The following CNTNAP2 variants were observed in gnomAD, a reference collection of about 807,000 sequenced individuals.
CNTNAP2 encodes the protein contactin-associated protein-like 2.
CNTNAP2 carries 98 observed loss-of-function variants against 155.2 expected under a neutral mutation model. The observed-to-expected ratio is 0.63, with a 90% CI of 0.54 to 0.75. The LOEUF (loss-of-function observed/expected upper bound fraction) is 0.75, where lower values mean the gene tolerates loss of function less well. CNTNAP2 is among the 30% of genes least tolerant of loss of function. The probability of loss-of-function intolerance (pLI) is 0.00; values close to 1 mark genes in which losing one functional copy is unlikely to be tolerated. For synonymous variants in CNTNAP2, 651 were observed against 631.2 expected, an observed-to-expected ratio of 1.03 and a Z score of -0.47; for missense variants, 1,727 against 1,688.1, an observed-to-expected ratio of 1.02 and a Z score of -0.40.
At chr7:146,569,887 G>C (rs1798415313) in intron 1 of CNTNAP2, among the ~76,000 whole-genome samples, 1 of 152,154 alleles carries the variant, frequency 6.6e-6, no homozygotes, top group African/African-American at 2.4e-5. Context: ...GGCCTCACAA[G>C]TGTATATTTA....
chr7:146,182,422 G>A (rs927051568), intron 1 of CNTNAP2, among the ~76,000 whole-genome samples: 13 of 152,086 alleles, frequency 8.5e-5, no homozygotes, highest in African/African-American at 1.7e-4. Flanking sequence ...TAGGAAAATA[G>A]CAAGTCTACA....
intron 8 of CNTNAP2, among the ~76,000 whole-genome samples, chr7:147,263,313 A>C (rs1804534431): frequency 6.6e-6 from 1 of 151,988 alleles, no homozygotes; most frequent in Non-Finnish European, 1.5e-5. Context: ...GTGAGCTGTG[A>C]TCATGCCGCT....
intron 15 of CNTNAP2, among the ~76,000 whole-genome samples, chr7:148,007,872 C>T (rs1411295983): frequency 6.6e-6 from 1 of 152,054 alleles, no homozygotes; most frequent in African/African-American, 2.4e-5. Context: ...TGGCTCCTGG[C>T]CTAAAAAGGT....
At chr7:148,315,189 A>T (rs1245692534) in intron 21 of CNTNAP2, among the ~76,000 whole-genome samples, 1 of 152,210 alleles carries the variant, frequency 6.6e-6, no homozygotes, top group Non-Finnish European at 1.5e-5. Context: ...CCCTGATTCG[A>T]GTCACAGCAC....
chr7:147,505,263 A>G (rs1465681082), intron 11 of CNTNAP2, among the ~76,000 whole-genome samples: 3 of 152,144 alleles, frequency 2.0e-5, no homozygotes, highest in African/African-American at 7.2e-5. Context: ...TGGGAAAGAA[A>G]TCAATATTTG....
chr7:148,110,451 C>T (rs1199183280), intron 15 of CNTNAP2, among the ~76,000 whole-genome samples: 2 of 151,950 alleles, frequency 1.3e-5, no homozygotes, highest in Non-Finnish European at 2.9e-5. Context: ...ACCACCTCAT[C>T]CTGGTAGTAC....
intron 3 of CNTNAP2, among the ~76,000 whole-genome samples, chr7:146,981,228 T>G (rs1798011015): frequency 6.6e-6 from 1 of 152,208 alleles, no homozygotes; most frequent in Non-Finnish European, 1.5e-5. Context: ...AATTTGTGTC[T>G]GCTCCCAAAG....
chr7:147,618,617 A>C (rs1433868851), intron 12 of CNTNAP2, among the ~76,000 whole-genome samples: 2 of 147,408 alleles, frequency 1.4e-5, no homozygotes, highest in East Asian at 3.9e-4. Context: ...ATAGAAAAGA[A>C]TCAGGAAACA....
At chr7:148,173,194 C>T (rs1794859881) in intron 18 of CNTNAP2, among the ~76,000 whole-genome samples, 1 of 152,190 alleles carries the variant, frequency 6.6e-6, no homozygotes, top group African/African-American at 2.4e-5. Flanking sequence ...GAACTATACC[C>T]TGTGATCCTG....
chr7:148,415,651 G>T lies in CNTNAP2; in HGVS notation c.*35G>T, dbSNP rs765172392. On this transcript the variant is annotated 3_prime_UTR_variant, in exon 24 of 24. Coordinates refer to ENST00000361727, the MANE Select transcript of CNTNAP2 (RefSeq NM_014141.6). ...ACTTGGCTATGGGATAGGGAGGAGGGAATTACTAGGGAGGAGAGAAAGGGA... is the reference window on the plus strand; with the variant it reads ...ACTTGGCTATGGGATAGGGAGGAGGTAATTACTAGGGAGGAGAGAAAGGGA... 6.2e-7 allele frequency: 1 copy of T among 1,611,356 alleles called. No individual in the cohort carries two copies. The highest frequency in any genetic ancestry group is 1.1e-5 in the South Asian group (1 of 90,890).
intron 15 of CNTNAP2, among the ~76,000 whole-genome samples, chr7:148,035,022 C>A (rs562841651): frequency 6.6e-6 from 1 of 152,060 alleles, no homozygotes; most frequent in African/African-American, 2.4e-5. Flanking sequence ...GTAATGGACT[C>A]GGATATCTGG....
chr7:147,746,711 A>G (rs1393600901), intron 13 of CNTNAP2, among the ~76,000 whole-genome samples: 1 of 152,032 alleles, frequency 6.6e-6, no homozygotes, highest in East Asian at 1.9e-4. Context: ...TGTGGTTACC[A>G]CCCCAACCCT....
At chr7:147,911,805 A>G (rs1476493068) in intron 14 of CNTNAP2, among the ~76,000 whole-genome samples, 1 of 152,216 alleles carries the variant, frequency 6.6e-6, no homozygotes, top group Non-Finnish European at 1.5e-5. Context: ...TTAAGATGGA[A>G]TAATATTCCA....
Position 147,607,425 on chromosome 7 carries a change from TCTC to T in CNTNAP2, c.1898-31680_1898-31678del, listed in dbSNP as rs767285191. Among the ~76,000 whole-genome samples, 814 of 152,072 alleles carry T rather than the reference TCTC, an allele frequency of 5.4e-3. 6 individuals are homozygous for T. Among genetic ancestry groups the T allele is most frequent in the South Asian group, 0.022 (106 of 4,824 alleles). On this transcript the variant is annotated intron_variant, in intron 12 of 23. Coordinates refer to ENST00000361727, the MANE Select transcript of CNTNAP2 (RefSeq NM_014141.6). ...CTCTCTTCCTTTCTCTCTCTCTCTC[TCTC>T]TCTTCTTTCTAATGTAAATAATATC...
intron 1 of CNTNAP2, among the ~76,000 whole-genome samples, chr7:146,347,383 A>T (rs1387360043): frequency 1.3e-5 from 2 of 152,158 alleles, no homozygotes; most frequent in Non-Finnish European, 2.9e-5. Flanking sequence ...GCTCAACCAG[A>T]GACCAGAATC....
chr7:146,787,204 T>A (rs2129188211), intron 2 of CNTNAP2, among the ~76,000 whole-genome samples: 1 of 152,202 alleles, frequency 6.6e-6, no homozygotes, highest in East Asian at 1.9e-4. Context: ...CCTCCCTGAG[T>A]GTTCTAGAGG....
At chr7:148,198,137 G>C (rs1238634162) in intron 18 of CNTNAP2, among the ~76,000 whole-genome samples, 1 of 152,166 alleles carries the variant, frequency 6.6e-6, no homozygotes. Context: ...GTTCCAAAGG[G>C]ACTGACCCAA....
intron 15 of CNTNAP2, among the ~76,000 whole-genome samples, chr7:148,107,101 AAC>A (rs1173929941): frequency 6.6e-6 from 1 of 152,228 alleles, no homozygotes; most frequent in African/African-American, 2.4e-5. Context: ...AAACATGTGA[AAC>A]ACACAACTGT....
intron 13 of CNTNAP2, among the ~76,000 whole-genome samples, chr7:147,668,452 T>C (rs1795735325): frequency 1.3e-5 from 2 of 152,204 alleles, no homozygotes; most frequent in Admixed American, 6.5e-5. Context: ...GGCATTGTTA[T>C]CACAGTAGAC....
Sources: allele counts gnomAD v4.1 joint callset (sites outside exome capture counted in the v4.1 genomes callset), GRCh38; gene constraint gnomAD v4.1.1; transcripts MANE v1.5; gene names NCBI Gene and HGNC (gene_info 2026-07-23, HGNC 2026-07-21).